The following JMJD1C variants were observed in gnomAD, a reference collection of about 807,000 sequenced individuals.
JMJD1C encodes jumonji domain containing 1C.
Under a neutral mutation model 245.3 loss-of-function variants are expected in JMJD1C, and 31 were observed. That is an observed-to-expected ratio of 0.13 (90% CI 0.09 to 0.17). The LOEUF (loss-of-function observed/expected upper bound fraction) is 0.17. Ranked by LOEUF, JMJD1C falls within the 10% of genes least tolerant of loss-of-function variation. The probability of loss-of-function intolerance (pLI) is 1.00; values close to 1 mark genes in which losing one functional copy is unlikely to be tolerated. For synonymous variants in JMJD1C, 1,057 were observed against 1,017.4 expected (o/e 1.04, Z -0.74); for missense variants, 2,691 against 3,000.2 (o/e 0.90, Z 2.41).
intron 1 of JMJD1C, among the ~76,000 whole-genome samples, chr10:63,390,228 A>G (rs975416582): frequency 6.6e-6 from 1 of 152,176 alleles, no homozygotes; most frequent in South Asian, 2.1e-4. Flanking sequence ...AATACAAAAG[A>G]TCATCAGAGA....
chr10:63,421,992 C>T (rs1251747762), intron 1 of JMJD1C, among the ~76,000 whole-genome samples: 1 of 152,170 alleles, frequency 6.6e-6, no homozygotes, highest in African/African-American at 2.4e-5. Flanking sequence ...CAAACTAATA[C>T]AGTCCCGTTT....
rs769017713 is a variant in JMJD1C at position 63,208,137 on chromosome 10, T to C, written c.3532A>G (p.Thr1178Ala). ...PHQIASHSVTTFRNDCRSPTH... is the reference protein window; with the variant it reads ...PHQIASHSVTAFRNDCRSPTH... The stretch of plus-strand genomic sequence containing the variant: ...GGACTCCTACAATCATTTCTGAAGG[T>C]TGTTACTGAGTGAGATGCAATCTGA... Residue 1178 changes from threonine to alanine, a missense_variant, in exon 10 of 26, where the codon ACC becomes GCC. Physicochemically the swap from Thr to Ala is moderately conservative, Grantham distance 58 (BLOSUM62 0). This residue lies in a region of JMJD1C where 1,562 missense variants were observed against 1,490.7 expected (regional missense o/e 1.05). Transcript: ENST00000399262. The C allele has an allele frequency of 1.2e-5, 19 of 1,614,024 alleles. No homozygotes were observed. Among genetic ancestry groups the C allele is most frequent in the Admixed American group, 8.3e-5 (5 of 60,000 alleles).
At chr10:63,441,487 T>C (rs1951382745) in intron 1 of JMJD1C, among the ~76,000 whole-genome samples, 1 of 152,186 alleles carries the variant, frequency 6.6e-6, no homozygotes, top group Non-Finnish European at 1.5e-5. Context: ...TGCTCAAGAT[T>C]AAGACAATAC....
At position 63,346,042 on chromosome 10, in the gene JMJD1C, T is replaced by A. The variant is rs1296078677; in HGVS notation, c.333+34276A>T. Among the ~76,000 whole-genome samples the A allele has an allele frequency of 2.0e-5, 3 of 152,174 alleles. No individual in the cohort carries two copies. The East Asian group carries it at 5.8e-4, about 29-fold the overall frequency. ...TTTTCACAAATCATGCAGCAGATAT[T>A]TTTAAATCTTATAATCAGTAAATGG... On this transcript the variant is annotated intron_variant, in intron 2 of 25. Transcript: ENST00000399262.
chr10:63,484,631 TACTGTCTCTTA>T (rs1953937329), intron 1 of JMJD1C, among the ~76,000 whole-genome samples: 1 of 152,066 alleles, frequency 6.6e-6, no homozygotes, highest in Non-Finnish European at 1.5e-5. Flanking sequence ...ACCCTACTTT[TACTGTCTCTTA>T]ACTTAAAAAA....
At chr10:63,347,603 G>GAAAAGA (rs1183695262) in intron 2 of JMJD1C, among the ~76,000 whole-genome samples, 1 of 147,938 alleles carries the variant, frequency 6.8e-6, no homozygotes, top group African/African-American at 2.5e-5. Context: ...AAAAAAGAAA[G>GAAAAGA]AAAAGAAAAA....
chr10:63,254,058 T>A (rs565199758), intron 3 of JMJD1C, among the ~76,000 whole-genome samples: 1 of 152,282 alleles, frequency 6.6e-6, no homozygotes, highest in East Asian at 1.9e-4. Flanking sequence ...GTCTGAAGCC[T>A]AGAAAGACTT....
chr10:63,167,886 A>G lies in JMJD1C; in HGVS notation c.*159T>C. 3 of 573,708 alleles carry G rather than the reference A, an allele frequency of 5.2e-6. No homozygotes were observed. The highest frequency in any genetic ancestry group is 6.2e-6 in the Non-Finnish European group (2 of 321,086). The allele number at this position is 573,708 out of a possible 1,614,324, so 35.5% of individuals were successfully genotyped here. ...CATTGAATCACAGGAGCTGTGACAT[A>G]TGCTATACTGCTGTGGTGTCAGTAA... On this transcript the variant is annotated 3_prime_UTR_variant, in exon 26 of 26. Transcript: ENST00000399262.
intron 2 of JMJD1C, among the ~76,000 whole-genome samples, chr10:63,275,268 G>C (rs374426713): frequency 5.3e-4 from 81 of 152,260 alleles, no homozygotes; most frequent in African/African-American, 1.9e-3. Flanking sequence ...ATGCTGGTTG[G>C]CATGGGTGGC....
At chr10:63,228,027 G>A (rs1250259906) in intron 3 of JMJD1C, among the ~76,000 whole-genome samples, 7 of 152,176 alleles carry the variant, frequency 4.6e-5, no homozygotes, top group African/African-American at 1.7e-4. Context: ...AAGCAAAGCT[G>A]TCTATACCAC....
intron 2 of JMJD1C, among the ~76,000 whole-genome samples, chr10:63,343,366 CAAAAAAAAAACA>C (rs576727564): frequency 0.012 from 1,293 of 104,568 alleles, 9 homozygotes; most frequent in Non-Finnish European, 0.018. Context: ...AACTCCATCT[CAAAAAAAAAACA>C]AAAAAAAAAA....
chr10:63,409,848 G>C (rs1485525858), intron 1 of JMJD1C, among the ~76,000 whole-genome samples: 2 of 152,138 alleles, frequency 1.3e-5, no homozygotes, highest in Non-Finnish European at 2.9e-5. Flanking sequence ...CATAATGTTA[G>C]TAACAGCTAC....
chr10:63,175,643 A>T (rs1842806175), intron 24 of JMJD1C, among the ~76,000 whole-genome samples: 1 of 152,202 alleles, frequency 6.6e-6, no homozygotes, highest in African/African-American at 2.4e-5. Flanking sequence ...CCAACTGTTG[A>T]GGCAAAGCAG....
At chr10:63,283,144 C>T (rs1170396989) in intron 2 of JMJD1C, among the ~76,000 whole-genome samples, 1 of 152,218 alleles carries the variant, frequency 6.6e-6, no homozygotes, top group Non-Finnish European at 1.5e-5. Context: ...AAAAGCCTTA[C>T]AAGTTCATCC....
chr10:63,330,767 C>T (rs1942057599), intron 2 of JMJD1C, among the ~76,000 whole-genome samples: 1 of 152,146 alleles, frequency 6.6e-6, no homozygotes, highest in African/African-American at 2.4e-5. Context: ...AAAACCATTT[C>T]TTCTTTAACA....
chr10:63,212,843 T>C (rs1260713360), intron 8 of JMJD1C, among the ~76,000 whole-genome samples: 2 of 151,092 alleles, frequency 1.3e-5, no homozygotes, highest in South Asian at 2.1e-4. Context: ...ATTATATATA[T>C]TATAATTATT....
At chr10:63,473,739 G>A (rs1391776921) in intron 1 of JMJD1C, among the ~76,000 whole-genome samples, 2 of 151,856 alleles carry the variant, frequency 1.3e-5, no homozygotes. Flanking sequence ...ATTGCATAAA[G>A]TAAACTGAAA....
intron 1 of JMJD1C, among the ~76,000 whole-genome samples, chr10:63,385,721 C>CAGGTG (rs1379503204): frequency 6.6e-6 from 1 of 152,170 alleles, no homozygotes; most frequent in East Asian, 1.9e-4. Context: ...ACTGGGATTA[C>CAGGTG]AGGTGCATGT....
chr10:63,320,990 T>C (rs1470240112), intron 2 of JMJD1C, among the ~76,000 whole-genome samples: 1 of 152,124 alleles, frequency 6.6e-6, no homozygotes, highest in Non-Finnish European at 1.5e-5. Context: ...CAATGGCCAA[T>C]TATATAATCA....
Sources: allele counts gnomAD v4.1 joint callset (sites outside exome capture counted in the v4.1 genomes callset), GRCh38; gene constraint gnomAD v4.1.1; regional missense constraint gnomAD v4.1.1; transcripts MANE v1.5; gene names NCBI Gene and HGNC (gene_info 2026-07-23, HGNC 2026-07-21).